The following PVT1 variants were observed in gnomAD, a reference collection of about 807,000 sequenced individuals.
PVT1 encodes the protein CXCR4/PVT1 fusion.
At chr8:128,053,847 G>C (rs1484895453) in intron 4 of PVT1, among the ~76,000 whole-genome samples, 2 of 152,246 alleles carry the variant, frequency 1.3e-5, no homozygotes, top group Non-Finnish European at 2.9e-5. Context: ...GGCCAGGCCA[G>C]GGCAGCCAGC....
intron 3 of PVT1, among the ~76,000 whole-genome samples, chr8:127,918,146 C>G (rs1004136869): frequency 6.6e-6 from 1 of 152,216 alleles, no homozygotes; most frequent in Non-Finnish European, 1.5e-5. Context: ...GACTCGGGGG[C>G]GGCCTGCGCC....
At chr8:127,844,331 C>G (rs926389566) in intron 2 of PVT1, among the ~76,000 whole-genome samples, 3 of 152,152 alleles carry the variant, frequency 2.0e-5, no homozygotes, top group Non-Finnish European at 2.9e-5. Flanking sequence ...TCTGAAATGA[C>G]AAGTGTGAAG....
At chr8:127,806,206 T>C (rs1679184904) in intron 2 of PVT1, among the ~76,000 whole-genome samples, 1 of 152,212 alleles carries the variant, frequency 6.6e-6, no homozygotes, top group Non-Finnish European at 1.5e-5. Context: ...CTCATGCCTA[T>C]AATCCCAGCA....
At chr8:127,860,822 CT>C (rs1426640999) in intron 2 of PVT1, among the ~76,000 whole-genome samples, 5 of 151,344 alleles carry the variant, frequency 3.3e-5, no homozygotes, top group African/African-American at 9.7e-5. Flanking sequence ...TTTCTGTCTC[CT>C]GTGGAGTTTA....
chr8:128,068,525 T>G (rs540842381), intron 4 of PVT1, among the ~76,000 whole-genome samples: 1 of 152,206 alleles, frequency 6.6e-6, no homozygotes, highest in East Asian at 1.9e-4. Context: ...TGAGACGGAG[T>G]CTTGCTCTGT....
At chr8:128,043,498 C>A (rs1486653806) in intron 4 of PVT1, among the ~76,000 whole-genome samples, 2 of 152,126 alleles carry the variant, frequency 1.3e-5, no homozygotes, top group African/African-American at 4.8e-5. Context: ...GAGACTTAGA[C>A]AGAGGGCATG....
At chr8:127,973,980 GAA>G (rs34219434) in intron 3 of PVT1, among the ~76,000 whole-genome samples, 2 of 140,082 alleles carry the variant, frequency 1.4e-5, no homozygotes, top group Non-Finnish European at 1.6e-5. Context: ...CTCCGTCTCA[GAA>G]AAAAAAAAAA....
chr8:127,937,725 T>G (rs1423029638), intron 3 of PVT1, among the ~76,000 whole-genome samples: 1 of 152,170 alleles, frequency 6.6e-6, no homozygotes, highest in Non-Finnish European at 1.5e-5. Flanking sequence ...TTATGCTTTC[T>G]TCCTTCTGAA....
At chr8:127,816,845 A>G (rs1245491493) in intron 2 of PVT1, among the ~76,000 whole-genome samples, 1 of 152,154 alleles carries the variant, frequency 6.6e-6, no homozygotes, top group African/African-American at 2.4e-5. Context: ...CAGAAATTCC[A>G]TGCTGCCTTC....
At chr8:127,821,796 A>C (rs1036051438) in intron 2 of PVT1, among the ~76,000 whole-genome samples, 1 of 151,802 alleles carries the variant, frequency 6.6e-6, no homozygotes, top group African/African-American at 2.4e-5. Context: ...TGGGCGACAG[A>C]GGGTCTCTGT....
Position 128,094,496 on chromosome 8 carries a change from C to T in PVT1, n.1115-2022C>T, listed in dbSNP as rs766335295. 5.1e-4 allele frequency among the ~76,000 whole-genome samples: 77 copies of T among 152,292 alleles called. 2 individuals are homozygous for T. Among genetic ancestry groups the T allele is most frequent in the Non-Finnish European group, 7.6e-4 (52 of 68,028 alleles). On this transcript the variant is annotated intron_variant and non_coding_transcript_variant, in intron 5 of 10. Coordinates refer to ENST00000651587, the Ensembl canonical transcript of PVT1. ...GCAGAGCTTTCACTCAATGATGGCA[C>T]AGTTGAGTAGTTTCAACAGAGATGG...
intron 2 of PVT1, among the ~76,000 whole-genome samples, chr8:127,805,444 G>A (rs968562985): frequency 6.6e-6 from 1 of 152,056 alleles, no homozygotes; most frequent in Non-Finnish European, 1.5e-5. Context: ...TAAATATTGT[G>A]GTTCATGAGA....
intron 3 of PVT1, among the ~76,000 whole-genome samples, chr8:127,937,576 C>CAGAGAGAG (rs774441674): frequency 0.01 from 1,231 of 122,180 alleles, 7 homozygotes; most frequent in Middle Eastern, 0.021. Context: ...CACACACACA[C>CAGAGAGAG]ACACAGAGAG....
At chr8:128,096,275 A>G (rs956108544) in intron 5 of PVT1, among the ~76,000 whole-genome samples, 4 of 152,176 alleles carry the variant, frequency 2.6e-5, no homozygotes, top group Non-Finnish European at 5.9e-5. Flanking sequence ...TAAAATGGCA[A>G]TGTTCACTAT....
At chr8:128,010,352 A>C (rs1233909799) in intron 4 of PVT1, 1 of 152,218 alleles carries the variant, frequency 6.6e-6, no homozygotes, top group African/African-American at 2.4e-5. Context: ...GACCTCTCCC[A>C]AGACATGTGA....
intron 2 of PVT1, among the ~76,000 whole-genome samples, chr8:127,806,410 C>A (rs933918279): frequency 2.0e-5 from 3 of 151,894 alleles, no homozygotes; most frequent in Admixed American, 6.6e-5. Flanking sequence ...GCAGTGAACC[C>A]AGATCTTGCC....
intron 3 of PVT1, among the ~76,000 whole-genome samples, chr8:127,961,993 G>A (rs77487643): frequency 1.3e-5 from 2 of 150,974 alleles, no homozygotes; most frequent in Non-Finnish European, 3.0e-5. Context: ...TTTTTTTTTT[G>A]AGACGGAGTC....
At chr8:127,921,274 G>A (rs540674789) in intron 3 of PVT1, among the ~76,000 whole-genome samples, 104 of 152,240 alleles carry the variant, frequency 6.8e-4, no homozygotes, top group African/African-American at 2.4e-3. Flanking sequence ...GTTGTTAACC[G>A]TGGAGAAGAG....
chr8:128,063,176 C>A (rs1280397935), intron 4 of PVT1, among the ~76,000 whole-genome samples: 5 of 152,148 alleles, frequency 3.3e-5, no homozygotes, highest in African/African-American at 1.2e-4. Context: ...AGTTTGATGA[C>A]TTCTTATTGC....
Sources: allele counts gnomAD v4.1 joint callset (sites outside exome capture counted in the v4.1 genomes callset), GRCh38; gene constraint gnomAD v4.1.1; transcripts MANE v1.5; gene names NCBI Gene and HGNC (gene_info 2026-07-23, HGNC 2026-07-21).